The following ALDH6A1 variants were observed in gnomAD, a reference collection of about 807,000 sequenced individuals.
ALDH6A1 encodes the protein aldehyde dehydrogenase 6 family member A1.
ALDH6A1 carries 43 observed loss-of-function variants against 62.6 expected under a neutral mutation model. The ratio of observed to expected loss-of-function variants is 0.69; its 90% CI spans 0.54 to 0.89. ALDH6A1 has a LOEUF of 0.89. ALDH6A1 is among the 40% of genes least tolerant of loss of function. ALDH6A1 has a pLI of 0.00. For synonymous variants in ALDH6A1, 194 were observed against 234.2 expected (o/e 0.83, Z 1.57); for missense variants, 551 against 661.3 (o/e 0.83, Z 1.83).
At chr14:74,082,498 C>T (rs2268066) in intron 1 of ALDH6A1, among the ~76,000 whole-genome samples, 24,912 of 145,124 alleles carry the variant, frequency 0.17, 2,563 homozygotes, top group East Asian at 0.59. Flanking sequence ...CTTCCGGGTT[C>T]AAGCGATTCT....
chr14:74,062,764 A>C (rs1361419997), intron 11 of ALDH6A1, among the ~76,000 whole-genome samples: 1 of 152,242 alleles, frequency 6.6e-6, no homozygotes, highest in African/African-American at 2.4e-5. Flanking sequence ...ATAAAATAAA[A>C]AAGCCCCACA....
At position 74,071,939 on chromosome 14, in the gene ALDH6A1, C is replaced by T. The variant is rs2139791786; in HGVS notation, c.384G>A (p.Gly128=). The change falls in exon 5 of 12, where the codon GGG becomes GGA. Residue 128 remains glycine (G), a synonymous_variant. Transcript: ENST00000553458. ...EIAKLITLEQ[G]KTLADAEGDV... ...CTCCTTCAGCATCAGCTAGGGTCTT[C>T]CCTTGTTCCAATGTGATTAACTTGG... 1 of 1,614,210 alleles carries T rather than the reference C, an allele frequency of 6.2e-7. No individual in the cohort carries two copies. The highest frequency in any genetic ancestry group is 8.5e-7 in the Non-Finnish European group (1 of 1,180,026).
intron 3 of ALDH6A1, 28 bp from the exon 4 acceptor site, chr14:74,072,392 T>G: frequency 6.2e-7 from 1 of 1,614,060 alleles, no homozygotes; most frequent in Non-Finnish European, 8.5e-7. Context: ...CACATGATCC[T>G]TTGCCTGACT....
chr14:74,063,131 T>C (rs935201024), intron 11 of ALDH6A1, among the ~76,000 whole-genome samples: 3 of 152,162 alleles, frequency 2.0e-5, no homozygotes, highest in Non-Finnish European at 4.4e-5. Flanking sequence ...TGTGCCATGC[T>C]TCTTCCTGCC....
rs561963832 is a variant in ALDH6A1, at chr14:74,075,613, T to C, written c.49-596A>G. 2.6e-5 allele frequency among the ~76,000 whole-genome samples: 4 copies of C among 151,798 alleles called. No homozygotes were observed. In the South Asian group the frequency reaches 8.3e-4, roughly 31 times the overall value. On this transcript the variant is annotated intron_variant, in intron 1 of 11. Transcript: ENST00000553458. Reference sequence around the variant, plus strand: ...GTGAGGCTGCAGTGAACCGTGATTATGCCACTGCACTCCAGCCAGGAAGAG... The same window carrying C: ...GTGAGGCTGCAGTGAACCGTGATTACGCCACTGCACTCCAGCCAGGAAGAG...
In ALDH6A1 at chr14:74,057,518, C is replaced by G. The variant is rs2060243079; in HGVS notation, c.*3124G>C. The G allele has an allele frequency of 7.3e-7, 1 of 1,368,544 alleles. No homozygotes were observed. The highest frequency in any genetic ancestry group is 2.9e-5 in the Admixed American group (1 of 34,424). 84.8% of individuals were successfully genotyped at this position (1,368,544 alleles called of 1,614,324 possible). On this transcript the variant is annotated 3_prime_UTR_variant, in exon 12 of 12. Transcript: ENST00000553458. ...TGCCTTTTGAAGTAAACAGCCTAGC[C>G]AAAATGTGTACTATCTTTTACGTAA...
chr14:74,066,947 G>A, intron 8 of ALDH6A1, 61 bp from the exon 9 acceptor site: 1 of 1,512,534 alleles, frequency 6.6e-7, no homozygotes, highest in East Asian at 2.3e-5. Context: ...CTGCTGCCAG[G>A]GCTCATGCCT....
chr14:74,065,907 G>A (rs764050720), intron 9 of ALDH6A1: 7 of 160,694 alleles, frequency 4.4e-5, no homozygotes, highest in East Asian at 1.8e-4. Flanking sequence ...GCTGATAAAC[G>A]GATTTTTCTG....
Position 74,071,730 on chromosome 14 carries a change from T to A in ALDH6A1, c.427+166A>T, listed in dbSNP as rs536788157. On this transcript the variant is annotated intron_variant, in intron 5 of 11. Transcript: ENST00000553458. ...TCATTTGAGTAAAGAGTAAAGTAAA[T>A]CAGTCTTAGGGATACTGAATACTGC... 3,490 of 1,455,560 alleles carry A rather than the reference T, an allele frequency of 2.4e-3. 10 individuals carry two copies. Among genetic ancestry groups the A allele is most frequent in the Non-Finnish European group, 3.0e-3 (3,224 of 1,064,424 alleles). 90.2% of individuals were successfully genotyped at this position (1,455,560 alleles called of 1,614,324 possible). A position where few individuals can be genotyped will look rare whatever the true frequency, so the allele number is the denominator to read the frequency against.
intron 2 of ALDH6A1, 111 bp downstream of exon 2, chr14:74,074,844 A>G: frequency 8.8e-7 from 1 of 1,138,390 alleles, no homozygotes; most frequent in Non-Finnish European, 1.3e-6. Context: ...GGAGGAAAAA[A>G]CTAGAAAGTT....
At chr14:74,078,106 CTT>C (rs2139811519) in intron 1 of ALDH6A1, 1 of 435,972 alleles carries the variant, frequency 2.3e-6, no homozygotes, top group East Asian at 7.1e-5. Context: ...TATTTTCACT[CTT>C]TGCTATTCCA....
intron 5 of ALDH6A1, 167 bp from the exon 6 acceptor site, chr14:74,071,664 A>T: frequency 6.6e-7 from 1 of 1,524,560 alleles, no homozygotes; most frequent in Admixed American, 2.1e-5. Context: ...AGATTCTCTG[A>T]ATGGGAAAAA....
chr14:74,066,786 G>A lies in ALDH6A1; in HGVS notation c.1143C>T (p.Ile381=), dbSNP rs754201918. The stretch of plus-strand genomic sequence containing the variant: ...CTTTAATTTTTCGTCCATCAAGAAG[G>A]ATGGAAGCTCCCTCCTTTGTTCCAC... ...IDSGTKEGAS[I]LLDGRKIKVK... is the part of the protein sequence containing the mutation. The change falls in exon 9 of 12, where the codon ATC becomes ATT. Residue 381 remains isoleucine, a synonymous_variant. Transcript: ENST00000553458. 6.2e-6 allele frequency: 10 copies of A among 1,613,894 alleles called. No homozygotes were observed. The South Asian group carries it at 9.9e-5, about 16-fold the overall frequency.
At chr14:74,071,124 A>G (rs764596103) in intron 6 of ALDH6A1, 71 bp downstream of exon 6, 56 of 1,408,640 alleles carry the variant, frequency 4.0e-5, no homozygotes, top group Non-Finnish European at 5.5e-5. Context: ...ATCCTAAAAC[A>G]TCCAACCATC....
chr14:74,081,852 C>G (rs1306742296), intron 1 of ALDH6A1, among the ~76,000 whole-genome samples: 1 of 152,134 alleles, frequency 6.6e-6, no homozygotes, highest in African/African-American at 2.4e-5. Context: ...ATTTTCAGCC[C>G]CATCAGTTAC....
In ALDH6A1 at chr14:74,072,225, T is replaced by C. The variant is rs763684553; in HGVS notation, c.326A>G (p.Gln109Arg). 2 of 1,614,206 alleles carry C rather than the reference T, an allele frequency of 1.2e-6. No homozygotes were observed. Among genetic ancestry groups the C allele is most frequent in the Admixed American group, 3.3e-5 (2 of 60,018 alleles). The stretch of plus-strand genomic sequence containing the variant: ...TACCAAGTTTTCTTTAATAAGTTGT[T>C]GATAGCGGAGCAAGACCTGCTGGCG... ...LSRQQVLLRY[Q>R]QLIKENLKEI... The change falls in exon 4 of 12, where the codon CAA (glutamine) becomes CGA (arginine). Residue 109 changes from glutamine to arginine, a missense_variant. Coordinates refer to ENST00000553458, the MANE Select transcript of ALDH6A1 (RefSeq NM_005589.4).
In ALDH6A1 at chr14:74,058,080, C is replaced by A. The variant is rs1015364220; in HGVS notation, c.*2562G>T. On this transcript the variant is annotated 3_prime_UTR_variant, in exon 12 of 12. Transcript: ENST00000553458. Reference sequence around the variant, plus strand: ...CGGTGGTTCACGCCTGTAATCCCAGCACTTTGGGAGGCCGAGGTGGGCGGA... The same window carrying A: ...CGGTGGTTCACGCCTGTAATCCCAGAACTTTGGGAGGCCGAGGTGGGCGGA... 8.5e-6 allele frequency: 2 copies of A among 236,226 alleles called. No individual in the cohort carries two copies. The highest frequency in any genetic ancestry group is 6.5e-5 in the Admixed American group (1 of 15,350). The allele number at this position is 236,226 out of a possible 1,614,324, so 14.6% of individuals were successfully genotyped here. A position where few individuals can be genotyped will look rare whatever the true frequency, so the allele number is the denominator to read the frequency against.
intron 11 of ALDH6A1, among the ~76,000 whole-genome samples, chr14:74,061,168 G>A (rs982200485): frequency 8.6e-5 from 13 of 151,930 alleles, no homozygotes; most frequent in Admixed American, 2.6e-4. Context: ...AGTGGAGATG[G>A]GGTTTCACCA....
chr14:74,059,971 AT>A lies in ALDH6A1; in HGVS notation c.*670del. On this transcript the variant is annotated 3_prime_UTR_variant, in exon 12 of 12. Coordinates refer to ENST00000553458, the MANE Select transcript of ALDH6A1 (RefSeq NM_005589.4). ...ACTTTGGGATATATAAAAATGGATT[AT>A]ATCTTGTGTATTGTGGGATAAAAGA... The A allele has an allele frequency of 6.5e-6, 1 of 154,162 alleles. No individual in the cohort carries two copies. Among genetic ancestry groups the A allele is most frequent in the Middle Eastern group, 3.4e-3 (1 of 294 alleles). The allele number at this position is 154,162 out of a possible 1,614,324, so 9.5% of individuals were successfully genotyped here.
Sources: allele counts gnomAD v4.1 joint callset (sites outside exome capture counted in the v4.1 genomes callset), GRCh38; gene constraint gnomAD v4.1.1; transcripts MANE v1.5; gene names NCBI Gene and HGNC (gene_info 2026-07-23, HGNC 2026-07-21).